Variants in ONECUT2 observed in about 807,000 individuals in gnomAD.
ONECUT2 encodes one cut homeobox 2.
Under a neutral mutation model 27.9 loss-of-function variants are expected in ONECUT2, and 10 were observed. The ratio of observed to expected loss-of-function variants is 0.36; its 90% CI spans 0.22 to 0.61. ONECUT2 has a LOEUF of 0.61. Among genes scored for constraint, ONECUT2 ranks in the 20% least tolerant of loss-of-function variants. ONECUT2 has a pLI of 0.73. For synonymous variants in ONECUT2, 334 were observed against 315.1 expected (o/e 1.06, Z -0.64); for missense variants, 686 against 721.0 (o/e 0.95, Z 0.56).
At position 57,480,415 on chromosome 18, in the gene ONECUT2, G is replaced by C. The variant is rs1342171443; in HGVS notation, c.*3692G>C. Reference sequence around the variant, plus strand: ...CAGACTGGATTGAGGAATGGAGCCTGTTTGATTTGGTTAGTGATTCTTTGA... The same window carrying C: ...CAGACTGGATTGAGGAATGGAGCCTCTTTGATTTGGTTAGTGATTCTTTGA... On this transcript the variant is annotated 3_prime_UTR_variant, in exon 2 of 2. Transcript: ENST00000491143. 6.6e-6 allele frequency: 1 copy of C among 152,176 alleles called. No homozygotes were observed. Among genetic ancestry groups the C allele is most frequent in the Non-Finnish European group, 1.5e-5 (1 of 68,030 alleles). The allele number at this position is 152,176 out of a possible 1,614,324, so 9.4% of individuals were successfully genotyped here.
intron 1 of ONECUT2, among the ~76,000 whole-genome samples, chr18:57,453,609 G>A (rs2050243101): frequency 1.6e-3 from 1 of 622 alleles, no homozygotes; most frequent in African/African-American, 3.1e-3. Flanking sequence ...TATGCCTATG[G>A]TTTTGCAGGC....
rs1448210425 is a variant in ONECUT2, at chr18:57,486,898, A to G, written c.*10175A>G. 6.5e-6 allele frequency: 1 copy of G among 152,672 alleles called. No homozygotes were observed. Among genetic ancestry groups the G allele is most frequent in the East Asian group, 1.9e-4 (1 of 5,202 alleles). The allele number at this position is 152,672 out of a possible 1,614,324, so 9.5% of individuals were successfully genotyped here. ...TAACAGTGTAGTATTATGATTAGCA[A>G]CTGCCAATCAGTGCTATAATTTTAT... is the stretch of plus-strand genomic sequence containing the variant. On this transcript the variant is annotated 3_prime_UTR_variant, in exon 2 of 2. Coordinates refer to ENST00000491143, the MANE Select transcript of ONECUT2 (RefSeq NM_004852.3).
chr18:57,451,455 G>A (rs909410916), intron 1 of ONECUT2, among the ~76,000 whole-genome samples: 3 of 152,168 alleles, frequency 2.0e-5, no homozygotes, highest in African/African-American at 4.8e-5. Flanking sequence ...CTCCCAATGG[G>A]GGAGTCAGAG....
chr18:57,441,629 C>G (rs2050174596), intron 1 of ONECUT2, among the ~76,000 whole-genome samples: 1 of 152,278 alleles, frequency 6.6e-6, no homozygotes, highest in Admixed American at 6.5e-5. Flanking sequence ...CCGAGTCTTC[C>G]TAACTATCCT....
rs545573351 is a variant in ONECUT2 at position 57,486,322 on chromosome 18, T to C, written c.*9599T>C. 6.5e-6 allele frequency: 1 copy of C among 152,794 alleles called. No individual in the cohort carries two copies. Among genetic ancestry groups the C allele is most frequent in the South Asian group, 2.1e-4 (1 of 4,826 alleles). 9.5% of individuals were successfully genotyped at this position (152,794 alleles called of 1,614,324 possible). On this transcript the variant is annotated 3_prime_UTR_variant, in exon 2 of 2. Coordinates refer to ENST00000491143, the MANE Select transcript of ONECUT2 (RefSeq NM_004852.3). ...TCCATACAGTCAGTTGGTGGGCTTATTGTACTGTGGTGCTTTGCAATGCAA... is the reference window on the plus strand; with the variant it reads ...TCCATACAGTCAGTTGGTGGGCTTACTGTACTGTGGTGCTTTGCAATGCAA...
intron 1 of ONECUT2, among the ~76,000 whole-genome samples, chr18:57,450,233 G>A (rs1332046830): frequency 2.0e-5 from 3 of 152,142 alleles, no homozygotes; most frequent in Non-Finnish European, 4.4e-5. Context: ...GAGTGCAGTG[G>A]TGCGATCTCG....
chr18:57,446,457 G>A (rs1038591981), intron 1 of ONECUT2, among the ~76,000 whole-genome samples: 1 of 152,198 alleles, frequency 6.6e-6, no homozygotes, highest in African/African-American at 2.4e-5. Context: ...CTGGGGGGCT[G>A]TTTGGTGGAA....
At chr18:57,464,476 G>C (rs955489998) in intron 1 of ONECUT2, among the ~76,000 whole-genome samples, 1 of 150,340 alleles carries the variant, frequency 6.7e-6, no homozygotes, top group Non-Finnish European at 1.5e-5. Context: ...TTTTGTTTTT[G>C]TTTTTTTATA....
intron 1 of ONECUT2, among the ~76,000 whole-genome samples, chr18:57,443,695 C>T (rs1369035056): frequency 6.6e-6 from 1 of 152,148 alleles, no homozygotes. Context: ...CCATCTAATG[C>T]CTGACATGGT....
At chr18:57,470,575 A>G (rs1301080220) in intron 1 of ONECUT2, among the ~76,000 whole-genome samples, 1 of 152,180 alleles carries the variant, frequency 6.6e-6, no homozygotes, top group Admixed American at 6.5e-5. Flanking sequence ...TGGACTGGAC[A>G]AAACACTGAG....
chr18:57,467,454 C>T (rs1258596161), intron 1 of ONECUT2, among the ~76,000 whole-genome samples: 1 of 152,160 alleles, frequency 6.6e-6, no homozygotes, highest in African/African-American at 2.4e-5. Flanking sequence ...CAATCTCTGC[C>T]TCCCGGGTTG....
rs747773399 is a variant in ONECUT2, at chr18:57,436,244, G to GCACCAC, written c.549_554dup (p.His183_His184dup). 42 of 1,591,108 alleles carry GCACCAC rather than the reference G, an allele frequency of 2.6e-5. No individual in the cohort carries two copies. The highest frequency in any genetic ancestry group is 3.3e-5 in the Non-Finnish European group (39 of 1,170,818). On this transcript the variant is annotated inframe_insertion, in exon 1 of 2. Coordinates refer to ENST00000491143, the MANE Select transcript of ONECUT2 (RefSeq NM_004852.3). The surrounding 1 kb of genome is among the most constrained non-coding windows in gnomAD (Gnocchi z 5.9). ...ACCACCCTCACCCGCACCACCATCC[G>GCACCAC]CACCACCACCACCACCACCACCACC...
intron 1 of ONECUT2, among the ~76,000 whole-genome samples, chr18:57,455,662 G>A (rs148152338): frequency 2.6e-5 from 4 of 152,234 alleles, no homozygotes; most frequent in East Asian, 3.9e-4. Flanking sequence ...GGAGCATCTC[G>A]GGAAGCTCTG....
intron 1 of ONECUT2, chr18:57,467,128 T>C (rs1451136357): frequency 2.2e-6 from 1 of 455,928 alleles, no homozygotes; most frequent in South Asian, 1.6e-5. Flanking sequence ...AAAGTAAAAA[T>C]AGAGACAGGA....
At chr18:57,437,594 CA>C (rs2050149987) in intron 1 of ONECUT2, among the ~76,000 whole-genome samples, 1 of 152,236 alleles carries the variant, frequency 6.6e-6, no homozygotes, top group African/African-American at 2.4e-5. Context: ...GGCGTTGGCG[CA>C]GGGACTTTCT....
chr18:57,453,977 C>T (rs766491002), intron 1 of ONECUT2, among the ~76,000 whole-genome samples: 3 of 152,044 alleles, frequency 2.0e-5, no homozygotes, highest in South Asian at 2.1e-4. Flanking sequence ...AATTCTATGG[C>T]GAGGGAATCT....
chr18:57,447,749 G>A (rs762856034), intron 1 of ONECUT2, among the ~76,000 whole-genome samples: 2 of 151,828 alleles, frequency 1.3e-5, no homozygotes, highest in African/African-American at 2.4e-5. Flanking sequence ...CCTGATTTTT[G>A]AAAGCATGAC....
Position 57,480,625 on chromosome 18 carries a change from G to A in ONECUT2, c.*3902G>A, listed in dbSNP as rs902918217. 2 of 150,760 alleles carry A rather than the reference G, an allele frequency of 1.3e-5. No individual in the cohort carries two copies. The highest frequency in any genetic ancestry group is 2.9e-5 in the Non-Finnish European group (2 of 67,938). The allele number at this position is 150,760 out of a possible 1,614,324, so 9.3% of individuals were successfully genotyped here. A position where few individuals can be genotyped will look rare whatever the true frequency, so the allele number is the denominator to read the frequency against. On this transcript the variant is annotated 3_prime_UTR_variant, in exon 2 of 2. Coordinates refer to ENST00000491143, the MANE Select transcript of ONECUT2 (RefSeq NM_004852.3). Reference sequence around the variant, plus strand: ...TTCTCTCCAAGGAGCTTTAATAAATGTCTCATTCCAGATAATGTCATACCA... The same window carrying A: ...TTCTCTCCAAGGAGCTTTAATAAATATCTCATTCCAGATAATGTCATACCA...
At chr18:57,448,225 A>G (rs1445138589) in intron 1 of ONECUT2, among the ~76,000 whole-genome samples, 1 of 152,202 alleles carries the variant, frequency 6.6e-6, no homozygotes, top group Non-Finnish European at 1.5e-5. Flanking sequence ...ACTTTAGTTC[A>G]GACCTAATTT....
Sources: gnomAD v4.1 joint callset for allele counts (sites outside exome capture counted in the v4.1 genomes callset) on GRCh38, gnomAD v4.1.1 for gene constraint, Gnocchi (gnomAD v3.1) non-coding constraint, MANE v1.5 for transcripts, NCBI Gene and HGNC (gene_info 2026-07-23, HGNC 2026-07-21) for gene names.